Variants in PPARGC1A observed in about 807,000 individuals in gnomAD.
The protein encoded by PPARGC1A is peroxisome proliferator-activated receptor gamma coactivator 1-alpha.
A neutral mutation model predicts 88.7 loss-of-function variants in PPARGC1A; 25 were observed. That is an observed-to-expected ratio of 0.28 (90% CI 0.21 to 0.39). PPARGC1A has a LOEUF of 0.39. Ranked by LOEUF, PPARGC1A falls within the 10% of genes least tolerant of loss-of-function variation. The probability of loss-of-function intolerance (pLI) is 1.00; values close to 1 mark genes in which losing one functional copy is unlikely to be tolerated. For missense variants in PPARGC1A, 880 were observed against 968.7 expected, an observed-to-expected ratio of 0.91 and a Z score of 1.22; for synonymous variants, 363 against 355.6, an observed-to-expected ratio of 1.02 and a Z score of -0.24.
chr4:24,123,160 G>A, the PPARGC1A span, among the ~76,000 whole-genome samples: 3 of 152,274 alleles, frequency 2.0e-5, no homozygotes, highest in African/African-American at 7.2e-5. Flanking sequence ...CAACTAGCTA[G>A]ATTCCTGGAA....
chr4:24,320,261 C>T, the PPARGC1A span, among the ~76,000 whole-genome samples: 1 of 152,182 alleles, frequency 6.6e-6, no homozygotes, highest in Non-Finnish European at 1.5e-5. Context: ...CATCTATCTT[C>T]TGTTTCACAT....
the PPARGC1A span, among the ~76,000 whole-genome samples, chr4:24,052,813 A>G: frequency 6.7e-6 from 1 of 149,136 alleles, no homozygotes; most frequent in Non-Finnish European, 1.5e-5. Context: ...ATTTTGATTT[A>G]TAGAAGTCAT....
At chr4:23,880,445 A>G (rs1343978583) in intron 2 of PPARGC1A, among the ~76,000 whole-genome samples, 2 of 152,178 alleles carry the variant, frequency 1.3e-5, no homozygotes, top group Non-Finnish European at 2.9e-5. Flanking sequence ...ATTTTCTGAG[A>G]AAATATCTAG....
intron 7 of PPARGC1A, 134 bp downstream of exon 7, chr4:23,824,146 G>T: frequency 1.4e-6 from 1 of 717,842 alleles, no homozygotes; most frequent in Non-Finnish European, 2.2e-6. Context: ...AATATTTGCA[G>T]ATAACTTCTT....
At chr4:24,312,694 CTG>C in the PPARGC1A span, among the ~76,000 whole-genome samples, 1 of 150,136 alleles carries the variant, frequency 6.7e-6, no homozygotes, top group Non-Finnish European at 1.5e-5. Context: ...TCTCTCTACT[CTG>C]TAACTAAGAC....
the PPARGC1A span, among the ~76,000 whole-genome samples, chr4:24,272,702 C>G: frequency 3.0e-3 from 452 of 152,326 alleles, 2 homozygotes; most frequent in Admixed American, 6.5e-3. Context: ...AGCGTCTTTC[C>G]TTTCTACATT....
chr4:23,929,203 A>G, the PPARGC1A span, among the ~76,000 whole-genome samples: 12 of 152,354 alleles, frequency 7.9e-5, no homozygotes, highest in East Asian at 3.9e-4. Context: ...ACTGGATTAA[A>G]TGTTAGGTCA....
At chr4:23,885,233 T>C (rs1252218465) in intron 1 of PPARGC1A, among the ~76,000 whole-genome samples, 103 of 152,226 alleles carry the variant, frequency 6.8e-4, no homozygotes, top group Admixed American at 6.7e-3. Flanking sequence ...TTTGGACCTC[T>C]TTGTACAAAA....
At chr4:24,005,403 C>T in the PPARGC1A span, among the ~76,000 whole-genome samples, 2 of 152,036 alleles carry the variant, frequency 1.3e-5, no homozygotes, top group Non-Finnish European at 2.9e-5. Context: ...GAAATGGTAG[C>T]CTACCAACCC....
the PPARGC1A span, among the ~76,000 whole-genome samples, chr4:24,208,161 T>C: frequency 1.3e-5 from 2 of 152,108 alleles, no homozygotes; most frequent in Non-Finnish European, 2.9e-5. Context: ...TGTGCACCTG[T>C]AGTCCCAGCT....
intron 2 of PPARGC1A, among the ~76,000 whole-genome samples, chr4:23,834,109 C>G (rs1725562592): frequency 6.6e-6 from 1 of 152,118 alleles, no homozygotes; most frequent in Non-Finnish European, 1.5e-5. Flanking sequence ...ACCATCCTGG[C>G]TAACATGGTG....
intron 2 of PPARGC1A, among the ~76,000 whole-genome samples, chr4:23,856,792 C>T (rs1730261648): frequency 6.6e-6 from 1 of 151,978 alleles, no homozygotes. Flanking sequence ...ATAACAGAAG[C>T]CGGACTCTCC....
At chr4:24,181,937 A>G in the PPARGC1A span, among the ~76,000 whole-genome samples, 18 of 152,038 alleles carry the variant, frequency 1.2e-4, no homozygotes, top group South Asian at 3.5e-3. Flanking sequence ...TATCCTTCTG[A>G]GGAAACAAGA....
At chr4:23,891,881 A>G (rs1302341969), upstream of PPARGC1A, among the ~76,000 whole-genome samples, 2 of 152,202 alleles carry the variant, frequency 1.3e-5, no homozygotes, top group Admixed American at 1.3e-4. Context: ...TTTCTTCCCA[A>G]TTATATTCTG....
At chr4:23,863,764 T>C (rs1202639093) in intron 2 of PPARGC1A, among the ~76,000 whole-genome samples, 1 of 152,216 alleles carries the variant, frequency 6.6e-6, no homozygotes, top group Non-Finnish European at 1.5e-5. Flanking sequence ...TGTTGTTTTT[T>C]GAGACAGAGT....
At chr4:24,058,170 C>T in the PPARGC1A span, among the ~76,000 whole-genome samples, 1 of 152,152 alleles carries the variant, frequency 6.6e-6, no homozygotes, top group Non-Finnish European at 1.5e-5. Flanking sequence ...GCCCATCGCT[C>T]CTGCTCTTCC....
At chr4:23,888,693 G>A (rs1162898135) in intron 1 of PPARGC1A, among the ~76,000 whole-genome samples, 3 of 152,212 alleles carry the variant, frequency 2.0e-5, no homozygotes, top group Non-Finnish European at 4.4e-5. Flanking sequence ...AAAGAGTTAA[G>A]AATCCCGGGC....
chr4:24,145,713 T>A, the PPARGC1A span, among the ~76,000 whole-genome samples: 1 of 152,202 alleles, frequency 6.6e-6, no homozygotes, highest in African/African-American at 2.4e-5. Context: ...ACACTCAGTA[T>A]GAGACAGCTA....
chr4:23,873,221 A>G (rs576906735), intron 2 of PPARGC1A, among the ~76,000 whole-genome samples: 3,326 of 141,918 alleles, frequency 0.023, 237 homozygotes, highest in African/African-American at 0.086. Flanking sequence ...AAAAAATAAA[A>G]AATAAAGAAA....
Sources: allele counts gnomAD v4.1 joint callset (sites outside exome capture counted in the v4.1 genomes callset), GRCh38; gene constraint gnomAD v4.1.1; transcripts MANE v1.5; gene names NCBI Gene and HGNC (gene_info 2026-07-23, HGNC 2026-07-21).